MCPH1: variants seen among roughly 807,000 people sequenced by gnomAD.
The protein encoded by MCPH1 is microcephalin 1.
Under a neutral mutation model 84.5 loss-of-function variants are expected in MCPH1, and 104 were observed. The observed-to-expected ratio is 1.23, with a 90% confidence interval of 1.05 to 1.45. The LOEUF is 1.45. Ranked by LOEUF, MCPH1 falls within the 40% of genes most tolerant of loss-of-function variation. The pLI is 0.00. For synonymous variants in MCPH1, 514 were observed against 366.8 expected, an observed-to-expected ratio of 1.40 and a Z score of -4.58; for missense variants, 1,498 against 1,005.7, an observed-to-expected ratio of 1.49 and a Z score of -6.62.
At chr8:6,600,115 G>A (rs942341392) in intron 12 of MCPH1, among the ~76,000 whole-genome samples, 5 of 152,244 alleles carry the variant, frequency 3.3e-5, no homozygotes, top group African/African-American at 1.2e-4. Context: ...TGAGTTGCTG[G>A]AGACACAGAA....
Position 6,445,566 on chromosome 8 carries a change from C to T in MCPH1, c.1825+19C>T. 3.8e-6 allele frequency: 6 copies of T among 1,559,756 alleles called. No homozygotes were observed. The highest frequency in any genetic ancestry group is 1.2e-5 in the South Asian group (1 of 81,872). On this transcript the variant is annotated intron_variant, in intron 8 of 13. Coordinates refer to ENST00000344683, the MANE Select transcript of MCPH1 (RefSeq NM_024596.5). ...AGTGGAAGTATGTGAATCTCCTTTT[C>T]CAAGTCACCTTCGCTAAATAAACAT...
intron 12 of MCPH1, among the ~76,000 whole-genome samples, chr8:6,595,305 A>G (rs895194819): frequency 6.6e-6 from 1 of 152,180 alleles, no homozygotes; most frequent in South Asian, 2.1e-4. Context: ...CAAATAGGGT[A>G]TGTACTGTAG....
At chr8:6,473,943 C>T in intron 9 of MCPH1, 1 of 1,423,584 alleles carries the variant, frequency 7.0e-7, no homozygotes, top group South Asian at 1.2e-5. Context: ...CGATGCACAA[C>T]TTCTTCCTTG....
intron 12 of MCPH1, among the ~76,000 whole-genome samples, chr8:6,505,434 ATATTCTTTATAT>A (rs1813326477): frequency 2.5e-5 from 2 of 78,880 alleles, no homozygotes; most frequent in African/African-American, 8.6e-5. Context: ...AAGAATATAT[ATATTCTTTATAT>A]ACATATAGAA....
intron 11 of MCPH1, among the ~76,000 whole-genome samples, chr8:6,497,279 G>A (rs549722524): frequency 8.6e-5 from 13 of 151,204 alleles, no homozygotes; most frequent in Admixed American, 4.6e-4. Flanking sequence ...TCATGAGTTC[G>A]TGACCAGCCT....
chr8:6,501,357 C>CT (rs1812140709), intron 12 of MCPH1: 2 of 152,126 alleles, frequency 1.3e-5, no homozygotes, highest in Non-Finnish European at 2.9e-5. Context: ...ATGCTAGTTA[C>CT]AGACTGGACT....
At chr8:6,474,334 T>G (rs1808154791) in intron 9 of MCPH1, 1 of 440,430 alleles carries the variant, frequency 2.3e-6, no homozygotes, top group Non-Finnish European at 4.2e-6. Flanking sequence ...TGGCTTTCTA[T>G]GACACGTTTC....
intron 12 of MCPH1, chr8:6,532,359 C>A: frequency 6.2e-7 from 1 of 1,614,050 alleles, no homozygotes; most frequent in Middle Eastern, 1.7e-4. Context: ...TTAACTTCCG[C>A]GTTTGCTCCG....
In MCPH1 at chr8:6,644,594, C is replaced by T. The variant is rs1411533696; in HGVS notation, c.*1545C>T. On this transcript the variant is annotated 3_prime_UTR_variant, in exon 14 of 14. Coordinates refer to ENST00000344683, the MANE Select transcript of MCPH1 (RefSeq NM_024596.5). ...AAGAACGCAATCCCATTTCCAATAG[C>T]CACGGAATGAAATACCTAGGAACAC... 6.6e-6 allele frequency: 1 copy of T among 152,144 alleles called. No individual in the cohort carries two copies. Among genetic ancestry groups the T allele is most frequent in the Non-Finnish European group, 1.5e-5 (1 of 68,042 alleles). 9.4% of individuals were successfully genotyped at this position (152,144 alleles called of 1,614,324 possible).
At chr8:6,504,605 AAG>A (rs1327523680) in intron 12 of MCPH1, among the ~76,000 whole-genome samples, 3 of 152,186 alleles carry the variant, frequency 2.0e-5, no homozygotes, top group Non-Finnish European at 4.4e-5. Context: ...AGATATGTCA[AAG>A]AGAAGCTGTA....
chr8:6,556,097 C>T (rs1336616827), intron 12 of MCPH1, among the ~76,000 whole-genome samples: 1 of 152,096 alleles, frequency 6.6e-6, no homozygotes, highest in Non-Finnish European at 1.5e-5. Flanking sequence ...AGAATTGCTG[C>T]CAAGACTAAC....
chr8:6,637,719 C>A (rs1008379569), intron 13 of MCPH1, among the ~76,000 whole-genome samples: 10 of 152,098 alleles, frequency 6.6e-5, no homozygotes, highest in Non-Finnish European at 1.3e-4. Context: ...TTTTGAACTC[C>A]TGGGCTCAAC....
chr8:6,559,798 A>T (rs1414893693), intron 12 of MCPH1, among the ~76,000 whole-genome samples: 4 of 152,218 alleles, frequency 2.6e-5, no homozygotes, highest in Non-Finnish European at 5.9e-5. Context: ...AGGATTAGCA[A>T]GAGAGACGTA....
At chr8:6,512,368 G>T (rs533892029) in intron 12 of MCPH1, among the ~76,000 whole-genome samples, 2 of 152,178 alleles carry the variant, frequency 1.3e-5, no homozygotes, top group South Asian at 4.1e-4. Flanking sequence ...TGTTCAGGTC[G>T]TGGAGCGGAG....
rs866562353 is a variant in MCPH1, at chr8:6,505,181, T to C, written c.2214+5252T>C. On this transcript the variant is annotated intron_variant, in intron 12 of 13. Transcript: ENST00000344683. ...TAAAAACTCTATGCCAAAGAATATA[T>C]ATATATATATTCTTATGTATATATA... Among the ~76,000 whole-genome samples the C allele has an allele frequency of 6.3e-5, 9 of 143,690 alleles. No homozygotes were observed. In the South Asian group the frequency reaches 6.4e-4, roughly 10 times the overall value. The allele number at this position is 143,690 out of a possible 152,430, so 94.3% of individuals were successfully genotyped here.
At position 6,521,543 on chromosome 8, in the gene MCPH1, G is replaced by A. The variant is rs1360280855; in HGVS notation, c.2214+21614G>A. ...TATAAAGTAATATGATGTTACCAGAGCCCTAAGGAATCTCTGAAACTTGCT... is the reference window on the plus strand; with the variant it reads ...TATAAAGTAATATGATGTTACCAGAACCCTAAGGAATCTCTGAAACTTGCT... On this transcript the variant is annotated intron_variant, in intron 12 of 13. Coordinates refer to ENST00000344683, the MANE Select transcript of MCPH1 (RefSeq NM_024596.5). 2.5e-5 allele frequency: 17 copies of A among 674,060 alleles called. No individual in the cohort carries two copies. The South Asian group carries it at 3.7e-4, about 15-fold the overall frequency. 41.8% of individuals were successfully genotyped at this position (674,060 alleles called of 1,614,324 possible). A position where few individuals can be genotyped will look rare whatever the true frequency, so the allele number is the denominator to read the frequency against.
intron 12 of MCPH1, among the ~76,000 whole-genome samples, chr8:6,598,747 C>A (rs570669239): frequency 1.3e-5 from 2 of 152,230 alleles, no homozygotes; most frequent in African/African-American, 2.4e-5. Context: ...CTCCCCCCTG[C>A]GTGGTGGGAC....
chr8:6,611,038 A>C (rs1200576547), intron 12 of MCPH1, among the ~76,000 whole-genome samples: 1 of 152,064 alleles, frequency 6.6e-6, no homozygotes, highest in Non-Finnish European at 1.5e-5. Context: ...CTGTTCCTCT[A>C]AAAGAAAACA....
At chr8:6,600,869 T>G (rs932710794) in intron 12 of MCPH1, among the ~76,000 whole-genome samples, 1 of 152,138 alleles carries the variant, frequency 6.6e-6, no homozygotes, top group Admixed American at 6.5e-5. Context: ...AGACATTGCC[T>G]AGAACTACTG....
Sources: allele counts gnomAD v4.1 joint callset (sites outside exome capture counted in the v4.1 genomes callset), GRCh38; gene constraint gnomAD v4.1.1; transcripts MANE v1.5; gene names NCBI Gene and HGNC (gene_info 2026-07-23, HGNC 2026-07-21).